Variants in ATAD1 observed in about 807,000 individuals in gnomAD.
ATAD1 encodes the protein ATPase family AAA domain containing 1.
A neutral mutation model predicts 42.7 loss-of-function variants in ATAD1; 18 were observed. The observed-to-expected ratio is 0.42, with a 90% CI of 0.29 to 0.63. ATAD1 has a LOEUF of 0.63. ATAD1 is among the 20% of genes least tolerant of loss of function. ATAD1 has a pLI of 0.19. For synonymous variants in ATAD1, 132 were observed against 143.1 expected (o/e 0.92, Z 0.55); for missense variants, 294 against 440.4 (o/e 0.67, Z 2.98).
intron 1 of ATAD1, chr10:87,814,891 T>A (rs924208780): frequency 3.1e-5 from 6 of 193,656 alleles, no homozygotes; most frequent in Non-Finnish European, 5.2e-5. Context: ...ACAGTAAATA[T>A]CTTAAGGTAT....
chr10:87,834,945 C>T (rs1434303260), intron 1 of ATAD1, among the ~76,000 whole-genome samples: 1 of 151,718 alleles, frequency 6.6e-6, no homozygotes, highest in Non-Finnish European at 1.5e-5. Context: ...AATCCTATTC[C>T]ACAAATTTTC....
At chr10:87,765,377 G>A (rs906097490) in intron 8 of ATAD1, among the ~76,000 whole-genome samples, 2 of 151,128 alleles carry the variant, frequency 1.3e-5, no homozygotes, top group Admixed American at 1.3e-4. Flanking sequence ...CAGTTATCGA[G>A]TTTTGGGAAA....
intron 1 of ATAD1, among the ~76,000 whole-genome samples, chr10:87,839,939 A>G (rs1178010667): frequency 6.6e-6 from 1 of 152,060 alleles, no homozygotes; most frequent in Non-Finnish European, 1.5e-5. Context: ...CCTTCACTTC[A>G]TGGCCAGGCT....
chr10:87,818,751 AAC>A (rs1374049522), upstream of ATAD1: 1 of 152,212 alleles, frequency 6.6e-6, no homozygotes, highest in Non-Finnish European at 1.5e-5. Context: ...TGTGCTGACA[AAC>A]ACCTCGGGGT....
At chr10:87,765,944 G>A (rs1236394906) in intron 8 of ATAD1, among the ~76,000 whole-genome samples, 5 of 151,834 alleles carry the variant, frequency 3.3e-5, no homozygotes, top group Admixed American at 6.6e-5. Flanking sequence ...AGGGTGAGGC[G>A]GGAAGATTAC....
upstream of ATAD1, among the ~76,000 whole-genome samples, chr10:87,820,077 GAC>G (rs973632734): frequency 1.3e-5 from 2 of 152,040 alleles, no homozygotes; most frequent in African/African-American, 4.8e-5. Flanking sequence ...ATGAGACGAG[GAC>G]AATGTTCATT....
rs73352850 is a variant in ATAD1 at position 87,760,119 on chromosome 10, T to G, written c.832-3197A>C. 7.3e-3 allele frequency among the ~76,000 whole-genome samples: 1,113 copies of G among 152,318 alleles called. 9 individuals are homozygous for G. The highest frequency in any genetic ancestry group is 0.026 in the African/African-American group (1,065 of 41,564). Reference sequence around the variant, plus strand: ...ATAGTATACTTGTAAATAACATCTATGTACTCTAAGCATTTTACACTTATA... The same window carrying G: ...ATAGTATACTTGTAAATAACATCTAGGTACTCTAAGCATTTTACACTTATA... On this transcript the variant is annotated intron_variant, in intron 8 of 9. Coordinates refer to ENST00000680024, the MANE Select transcript of ATAD1 (RefSeq NM_001321967.2).
rs1210148485 is a variant in ATAD1, at chr10:87,754,706, G to A, written c.1067C>T (p.Thr356Ile). The change falls in exon 10 of 10, where the codon ACA becomes ATA. Residue 356 changes from threonine (T) to isoleucine (I), a missense_variant. This residue lies in a region of ATAD1 where 142 missense variants were observed against 174.6 expected (regional missense o/e 0.81). Transcript: ENST00000680024. ...TTACTCTTAATCTAAACAAACATGTGTTAAAACATTCTGAAATGCTGCATC... is the reference window on the plus strand; with the variant it reads ...TTACTCTTAATCTAAACAAACATGTATTAAAACATTCTGAAATGCTGCATC... ...SKDAAFQNVL[T>I]HVCLD 6.2e-7 allele frequency: 1 copy of A among 1,613,298 alleles called. No individual in the cohort carries two copies. Among genetic ancestry groups the A allele is most frequent in the Non-Finnish European group, 8.5e-7 (1 of 1,179,692 alleles).
intron 1 of ATAD1, among the ~76,000 whole-genome samples, chr10:87,834,287 T>A (rs572862509): frequency 9.5e-4 from 144 of 152,290 alleles, no homozygotes; most frequent in Non-Finnish European, 1.8e-3. Flanking sequence ...GTATCAATAA[T>A]GCTGATTTTA....
intron 9 of ATAD1, among the ~76,000 whole-genome samples, chr10:87,755,611 A>G (rs1008106389): frequency 1.3e-5 from 2 of 152,124 alleles, no homozygotes; most frequent in Non-Finnish European, 2.9e-5. Context: ...AATCTTATAT[A>G]TAAGAATAAA....
intron 4 of ATAD1, among the ~76,000 whole-genome samples, chr10:87,788,671 G>C (rs1855948910): frequency 6.6e-6 from 1 of 152,124 alleles, no homozygotes; most frequent in Non-Finnish European, 1.5e-5. Flanking sequence ...AGATAACACT[G>C]ATAAAAAAAG....
At chr10:87,785,080 G>A (rs570641375) in intron 4 of ATAD1, among the ~76,000 whole-genome samples, 79 of 152,284 alleles carry the variant, frequency 5.2e-4, no homozygotes, top group Admixed American at 4.4e-3. Flanking sequence ...GGCAAACACT[G>A]TTTTGCTGTT....
At chr10:87,817,044 A>T (rs1857448800) in intron 1 of ATAD1, among the ~76,000 whole-genome samples, 1 of 152,162 alleles carries the variant, frequency 6.6e-6, no homozygotes, top group Non-Finnish European at 1.5e-5. Context: ...ATCCTTCCCA[A>T]TTCTGAAATT....
At chr10:87,805,430 A>C (rs1856877829) in intron 2 of ATAD1, among the ~76,000 whole-genome samples, 1 of 152,186 alleles carries the variant, frequency 6.6e-6, no homozygotes, top group South Asian at 2.1e-4. Context: ...TCTGCCACCA[A>C]GTTGCTGAGT....
chr10:87,773,656 T>A (rs996031215), intron 6 of ATAD1, among the ~76,000 whole-genome samples: 11 of 152,164 alleles, frequency 7.2e-5, no homozygotes, highest in Non-Finnish European at 1.5e-4. Flanking sequence ...ATTAGTGCAA[T>A]AAGGAATTTT....
intron 8 of ATAD1, among the ~76,000 whole-genome samples, chr10:87,766,343 A>G (rs1305172216): frequency 1.3e-5 from 2 of 152,178 alleles, no homozygotes; most frequent in Non-Finnish European, 2.9e-5. Context: ...ACCAGAATCA[A>G]TCCAAATGTC....
intron 2 of ATAD1, among the ~76,000 whole-genome samples, chr10:87,801,247 A>C (rs1192991470): frequency 6.6e-6 from 1 of 152,208 alleles, no homozygotes; most frequent in Non-Finnish European, 1.5e-5. Flanking sequence ...GAAATGAATG[A>C]CTTATTTTAC....
At chr10:87,775,495 A>C (rs1375225328) in intron 6 of ATAD1, among the ~76,000 whole-genome samples, 1 of 146,876 alleles carries the variant, frequency 6.8e-6, no homozygotes, top group Admixed American at 7.0e-5. Context: ...TTTCCATGAG[A>C]TATAAGTAAG....
intron 6 of ATAD1, among the ~76,000 whole-genome samples, chr10:87,771,548 A>G (rs943587316): frequency 4.6e-5 from 7 of 152,104 alleles, no homozygotes; most frequent in African/African-American, 1.7e-4. Flanking sequence ...CTTTTTCTCT[A>G]TATTTCACAT....
Sources: gnomAD v4.1 joint callset for allele counts (sites outside exome capture counted in the v4.1 genomes callset) on GRCh38, gnomAD v4.1.1 for gene constraint, gnomAD v4.1.1 regional missense constraint, MANE v1.5 for transcripts, NCBI Gene and HGNC (gene_info 2026-07-23, HGNC 2026-07-21) for gene names.